Variants in ADRA1A observed in about 807,000 individuals in gnomAD.
ADRA1A encodes the protein adrenoceptor alpha 1A.
A neutral mutation model predicts 29.6 loss-of-function variants in ADRA1A; 31 were observed. The ratio of observed to expected loss-of-function variants is 1.05; its 90% CI spans 0.79 to 1.41. ADRA1A has a LOEUF of 1.41. Ranked by LOEUF, ADRA1A falls within the 40% of genes most tolerant of loss-of-function variation. The pLI, the probability that ADRA1A is intolerant of heterozygous loss-of-function variation, is 0.00. For missense variants in ADRA1A, 619 were observed against 601.1 expected, an observed-to-expected ratio of 1.03 and a Z score of -0.31; for synonymous variants, 311 against 254.3, an observed-to-expected ratio of 1.22 and a Z score of -2.12.
Position 26,864,403 on chromosome 8 carries a change from C to A in ADRA1A, c.567G>T (p.Ala189=), listed in dbSNP as rs1390747681. 1.2e-6 allele frequency: 2 copies of A among 1,613,544 alleles called. No individual in the cohort carries two copies. The highest frequency in any genetic ancestry group is 1.7e-5 in the Admixed American group (1 of 60,020). The change falls in exon 2 of 3, where the codon GCG becomes GCT. Residue 189 remains alanine, a synonymous_variant. Transcript: ENST00000380573. This position sits in a 1 kb window ranked among gnomAD's most constrained non-coding sequence, Gnocchi z 8.1. ...CCAGAGGCAGGTAGAAGGAGCCCAG[C>A]GCTGAGAAGAGCACGTAGCCCGGCT... ...NEEPGYVLFS[A]LGSFYLPLAI...
intron 2 of ADRA1A, among the ~76,000 whole-genome samples, chr8:26,799,166 T>TAA (rs199547291): frequency 9.9e-5 from 15 of 151,618 alleles, no homozygotes; most frequent in South Asian, 2.1e-4. Context: ...TCTTCTGCTG[T>TAA]AAAAAAAAAG....
chr8:26,776,373 T>G (rs1806550480), intron 2 of ADRA1A, among the ~76,000 whole-genome samples: 1 of 152,188 alleles, frequency 6.6e-6, no homozygotes, highest in Admixed American at 6.5e-5. Context: ...CTGGAAAACT[T>G]GACATCTTAA....
intron 2 of ADRA1A, among the ~76,000 whole-genome samples, 181 bp from the exon 3 acceptor site, chr8:26,770,847 C>T (rs1806093339): frequency 6.6e-6 from 1 of 152,170 alleles, no homozygotes; most frequent in African/African-American, 2.4e-5. Flanking sequence ...GCAATATCTT[C>T]AAAGACCATT....
chr8:26,828,922 T>C (rs1810782562), intron 2 of ADRA1A, among the ~76,000 whole-genome samples: 1 of 152,158 alleles, frequency 6.6e-6, no homozygotes, highest in African/African-American at 2.4e-5. Flanking sequence ...GTGAGCCAAA[T>C]CGCTTAATCT....
rs1370113948 is a variant in ADRA1A, at chr8:26,825,627, T to C, written c.883+38460A>G. Among the ~76,000 whole-genome samples, 1 of 152,236 alleles carries C rather than the reference T, an allele frequency of 6.6e-6. No individual in the cohort carries two copies. Among genetic ancestry groups the C allele is most frequent in the Non-Finnish European group, 1.5e-5 (1 of 68,042 alleles). On this transcript the variant is annotated intron_variant, in intron 2 of 2. Transcript: ENST00000380573. This position sits in a 1 kb window ranked among gnomAD's most constrained non-coding sequence, Gnocchi z 5.7. ...CAAGCTTCACTTCCTCCAAAAAGTC[T>C]TTTTCAACTATGTCAGCCTTCACAG... is the stretch of plus-strand genomic sequence containing the variant.
In ADRA1A at chr8:26,864,554, G is replaced by GT. The variant is rs1437799761; in HGVS notation, c.415dup (p.Thr139AsnfsTer162). ...CAGAGCCATGAGACCCCTCCTCTGG[G>GT]TGACGATGGTTGGGTAGCGCAGCGG... is the stretch of plus-strand genomic sequence containing the variant. On this transcript the variant is annotated frameshift_variant, in exon 2 of 3. Coordinates refer to ENST00000380573, the MANE Select transcript of ADRA1A (RefSeq NM_000680.4). LOFTEE classifies it high-confidence loss of function. This position sits in a 1 kb window ranked among gnomAD's most constrained non-coding sequence, Gnocchi z 8.1. 6.2e-7 allele frequency: 1 copy of GT among 1,614,036 alleles called. No individual in the cohort carries two copies. Among genetic ancestry groups the GT allele is most frequent in the African/African-American group, 1.3e-5 (1 of 74,946 alleles).
exon 3 of ADRA1A, chr8:26,748,683 G>A (rs1449595593): frequency 8.0e-6 from 3 of 373,832 alleles, no homozygotes; most frequent in Non-Finnish European, 1.6e-5. Context: ...AACCCGGGAG[G>A]CGGAGGTTGC....
intron 2 of ADRA1A, among the ~76,000 whole-genome samples, chr8:26,861,351 T>C (rs557387647): frequency 7.1e-6 from 1 of 139,874 alleles, no homozygotes; most frequent in East Asian, 2.2e-4. Flanking sequence ...GCACCCAGGC[T>C]GGAGTGCAGG....
chr8:26,818,684 A>G (rs897648788), intron 2 of ADRA1A, among the ~76,000 whole-genome samples: 4 of 152,172 alleles, frequency 2.6e-5, no homozygotes, highest in Non-Finnish European at 5.9e-5. Flanking sequence ...TAATACATTA[A>G]TACCTCTGGA....
chr8:26,769,379 G>C lies in ADRA1A; in HGVS notation c.*770C>G. 1 of 985,398 alleles carries C rather than the reference G, an allele frequency of 1.0e-6. No individual in the cohort carries two copies. The highest frequency in any genetic ancestry group is 1.2e-6 in the Non-Finnish European group (1 of 829,910). The allele number at this position is 985,398 out of a possible 1,614,324, so 61.0% of individuals were successfully genotyped here. On this transcript the variant is annotated 3_prime_UTR_variant, in exon 3 of 3. Transcript: ENST00000380573. ...TGTTTAATGGATTTTCTCTCTAGTA[G>C]TTAAATTGAAAGAATGATGCTCAGG...
chr8:26,850,089 A>C lies in ADRA1A; in HGVS notation c.883+13998T>G, dbSNP rs568313991. ...GTATAGGAATTGAAATTCCAAGAGG[A>C]AGATCAGAGCAGAGGACATCATCAT... On this transcript the variant is annotated intron_variant, in intron 2 of 2. Coordinates refer to ENST00000380573, the MANE Select transcript of ADRA1A (RefSeq NM_000680.4). 5.9e-5 allele frequency among the ~76,000 whole-genome samples: 9 copies of C among 151,550 alleles called. No individual in the cohort carries two copies. The East Asian group carries it at 1.7e-3, about 29-fold the overall frequency.
Position 26,860,391 on chromosome 8 carries a change from G to A in ADRA1A, c.883+3696C>T, listed in dbSNP as rs1813366196. 2.6e-5 allele frequency among the ~76,000 whole-genome samples: 4 copies of A among 152,038 alleles called. No individual in the cohort carries two copies. Among genetic ancestry groups the A allele is most frequent in the Admixed American group, 2.6e-4 (4 of 15,280 alleles). On this transcript the variant is annotated intron_variant, in intron 2 of 2. Transcript: ENST00000380573. The surrounding 1 kb of genome is among the most constrained non-coding windows in gnomAD (Gnocchi z 4.7). ...TGTCTCTTCACACACACACTCTCTGGGACTCACAGTAGGTCCTCAGCATTG... is the reference window on the plus strand; with the variant it reads ...TGTCTCTTCACACACACACTCTCTGAGACTCACAGTAGGTCCTCAGCATTG...
intron 2 of ADRA1A, among the ~76,000 whole-genome samples, chr8:26,774,318 G>T (rs1404564029): frequency 6.6e-6 from 1 of 152,198 alleles, no homozygotes; most frequent in East Asian, 1.9e-4. Flanking sequence ...ACTGGCTGGG[G>T]TTAGATGAGA....
At chr8:26,816,568 T>TGC (rs1554502965) in intron 2 of ADRA1A, among the ~76,000 whole-genome samples, 17 of 148,154 alleles carry the variant, frequency 1.1e-4, no homozygotes, top group African/African-American at 4.0e-4. Context: ...TGTGTGTGTG[T>TGC]GCATCCACAT....
intron 2 of ADRA1A, among the ~76,000 whole-genome samples, chr8:26,849,881 G>A (rs1812484507): frequency 6.6e-6 from 1 of 151,996 alleles, no homozygotes; most frequent in South Asian, 2.1e-4. Flanking sequence ...GATGGACAGT[G>A]TGCCCACCAT....
downstream of ADRA1A, among the ~76,000 whole-genome samples, chr8:26,754,145 C>T (rs1169012533): frequency 1.3e-5 from 2 of 152,116 alleles, no homozygotes; most frequent in African/African-American, 2.4e-5. Context: ...AACACTTAAA[C>T]AGCACATTCC....
At chr8:26,856,638 A>G (rs1813067738) in intron 2 of ADRA1A, among the ~76,000 whole-genome samples, 1 of 152,214 alleles carries the variant, frequency 6.6e-6, no homozygotes, top group South Asian at 2.1e-4. Context: ...ACACCTACTC[A>G]TTCAATAGAT....
intron 2 of ADRA1A, among the ~76,000 whole-genome samples, chr8:26,786,744 T>TGG (rs11446463): frequency 2.7e-4 from 40 of 145,588 alleles, no homozygotes; most frequent in African/African-American, 9.1e-4. Context: ...CATGCTGGGT[T>TGG]GGGGGGGGGG....
In ADRA1A at chr8:26,825,389, G is replaced by A. The variant is rs1810481954; in HGVS notation, c.883+38698C>T. Reference sequence around the variant, plus strand: ...GAGTTTGGTTGTTTGACAAAAAATGGGGAGGGTGGGTAGGGAGGAAGATGG... The same window carrying A: ...GAGTTTGGTTGTTTGACAAAAAATGAGGAGGGTGGGTAGGGAGGAAGATGG... On this transcript the variant is annotated intron_variant, in intron 2 of 2. Coordinates refer to ENST00000380573, the MANE Select transcript of ADRA1A (RefSeq NM_000680.4). The surrounding 1 kb of genome is among the most constrained non-coding windows in gnomAD (Gnocchi z 5.7). Among the ~76,000 whole-genome samples the A allele has an allele frequency of 6.6e-6, 1 of 152,048 alleles. No homozygotes were observed. Among genetic ancestry groups the A allele is most frequent in the Admixed American group, 6.6e-5 (1 of 15,264 alleles).
Sources: allele counts gnomAD v4.1 joint callset (sites outside exome capture counted in the v4.1 genomes callset), GRCh38; gene constraint gnomAD v4.1.1; non-coding constraint Gnocchi (gnomAD v3.1); transcripts MANE v1.5; gene names NCBI Gene and HGNC (gene_info 2026-07-23, HGNC 2026-07-21).